Variants in ROR1 observed in about 807,000 individuals in gnomAD.
ROR1 encodes inactive tyrosine-protein kinase transmembrane receptor ROR1.
A neutral mutation model predicts 78.8 loss-of-function variants in ROR1; 19 were observed. That is an observed-to-expected ratio of 0.24 (90% CI 0.17 to 0.35). ROR1 has a LOEUF of 0.35. Among genes scored for constraint, ROR1 ranks in the 10% least tolerant of loss-of-function variants. The pLI is 1.00. For missense variants in ROR1, 917 were observed against 1,177.8 expected (o/e 0.78, Z 3.24); for synonymous variants, 386 against 433.6 (o/e 0.89, Z 1.36).
At chr1:64,118,737 C>T (rs1241321197) in intron 4 of ROR1, among the ~76,000 whole-genome samples, 3 of 151,262 alleles carry the variant, frequency 2.0e-5, no homozygotes, top group African/African-American at 4.9e-5. Context: ...TTTTAGGCCT[C>T]GGTAAATCAG....
rs376578814 is a variant in ROR1, at chr1:64,049,875, G to A, written c.348G>A (p.Leu116=). ...GGTCCACCATCTATGGCTCTCGGCT[G>A]CGGATTAGAAACCTCGACACCACAG... ...SFRSTIYGSR[L]RIRNLDTTDT... is the part of the protein sequence containing the mutation. The change falls in exon 3 of 9, where the codon CTG becomes CTA. Residue 116 remains leucine, a synonymous_variant. Transcript: ENST00000371079. The A allele has an allele frequency of 1.2e-6, 2 of 1,614,094 alleles. No homozygotes were observed. Among genetic ancestry groups the A allele is most frequent in the African/African-American group, 2.7e-5 (2 of 74,940 alleles).
chr1:63,994,492 G>A (rs1035613036), intron 1 of ROR1, among the ~76,000 whole-genome samples: 3 of 152,138 alleles, frequency 2.0e-5, no homozygotes, highest in African/African-American at 7.2e-5. Context: ...AGATTTTTGT[G>A]TCAAACTTTG....
chr1:63,927,557 TAAAA>T (rs11344076), intron 1 of ROR1, among the ~76,000 whole-genome samples: 3 of 145,508 alleles, frequency 2.1e-5, no homozygotes, highest in Non-Finnish European at 3.0e-5. Flanking sequence ...CTCTTTTTCT[TAAAA>T]AAAAAAAAAA....
Position 64,009,344 on chromosome 1 carries a change from C to T in ROR1, c.131C>T (p.Ser44Leu), listed in dbSNP as rs776096406. The change falls in exon 2 of 9, where the codon TCA (serine) becomes TTA (leucine). Residue 44 changes from serine (S) to leucine (L), a missense_variant. Physicochemically the swap from Ser to Leu is moderately radical, Grantham distance 145. Transcript: ENST00000371079. ...GTCAGTGCTGAATTAGTGCCTACCT[C>T]ATCATGGAACATCTCAAGTGAACTC... ...LSVSAELVPT[S>L]SWNISSELNK... 8.1e-6 allele frequency: 13 copies of T among 1,613,786 alleles called. No homozygotes were observed. In the South Asian group the frequency reaches 1.1e-4, roughly 14 times the overall value.
chr1:63,912,948 C>CG (rs1190660679), intron 1 of ROR1, among the ~76,000 whole-genome samples: 1 of 151,910 alleles, frequency 6.6e-6, no homozygotes, highest in Non-Finnish European at 1.5e-5. Flanking sequence ...GCAAACTTGG[C>CG]GGGGGTTGCT....
At chr1:64,015,247 G>A (rs1285365989) in intron 2 of ROR1, among the ~76,000 whole-genome samples, 1 of 152,126 alleles carries the variant, frequency 6.6e-6, no homozygotes, top group East Asian at 1.9e-4. Context: ...GGAATTGTGG[G>A]AGACACAATT....
Position 64,179,058 on chromosome 1 carries a change from A to C in ROR1, c.*203A>C. On this transcript the variant is annotated 3_prime_UTR_variant, in exon 9 of 9. Coordinates refer to ENST00000371079, the MANE Select transcript of ROR1 (RefSeq NM_005012.4). ...AAAAAAAAAAAAAACAAGCAAACAA[A>C]AACATTGTGGGATGTGCACTCCATT... 3.8e-6 allele frequency: 2 copies of C among 526,190 alleles called. No homozygotes were observed. The highest frequency in any genetic ancestry group is 5.1e-4 in the Middle Eastern group (1 of 1,968). 32.6% of individuals were successfully genotyped at this position (526,190 alleles called of 1,614,324 possible).
chr1:63,955,780 C>T (rs1375457095), intron 1 of ROR1, among the ~76,000 whole-genome samples: 1 of 152,126 alleles, frequency 6.6e-6, no homozygotes, highest in Non-Finnish European at 1.5e-5. Flanking sequence ...AGCTTTCCCC[C>T]ACCACCGTAG....
At chr1:63,831,208 G>C (rs1644986242) in intron 1 of ROR1, among the ~76,000 whole-genome samples, 1 of 152,172 alleles carries the variant, frequency 6.6e-6, no homozygotes, top group Non-Finnish European at 1.5e-5. Flanking sequence ...CTGGGATCTA[G>C]AGGCTGGTGG....
At chr1:63,777,215 A>C (rs665772) in intron 1 of ROR1, among the ~76,000 whole-genome samples, 16,625 of 152,124 alleles carry the variant, frequency 0.11, 947 homozygotes, top group African/African-American at 0.13. Context: ...AATCTTATAG[A>C]TTCTGTGGTT....
intron 1 of ROR1, among the ~76,000 whole-genome samples, chr1:63,859,816 C>A: frequency 6.6e-6 from 1 of 152,206 alleles, no homozygotes; most frequent in East Asian, 1.9e-4. Context: ...TGGACTAGCT[C>A]TGAGCTTCAG....
At chr1:64,066,185 A>G (rs938114209) in intron 4 of ROR1, among the ~76,000 whole-genome samples, 5 of 152,198 alleles carry the variant, frequency 3.3e-5, no homozygotes, top group Non-Finnish European at 5.9e-5. Flanking sequence ...ATGTGCTTAC[A>G]TGAAACCCCA....
intron 1 of ROR1, among the ~76,000 whole-genome samples, chr1:63,982,320 C>T (rs568570573): frequency 8.6e-5 from 13 of 151,588 alleles, no homozygotes; most frequent in East Asian, 2.1e-4. Flanking sequence ...TGCAAGCCTG[C>T]GGTGAGGATC....
intron 1 of ROR1, among the ~76,000 whole-genome samples, chr1:63,990,406 G>C (rs1398645897): frequency 6.6e-6 from 1 of 152,168 alleles, no homozygotes; most frequent in Non-Finnish European, 1.5e-5. Context: ...GAAATTATCA[G>C]TTTCTAAATT....
At chr1:63,789,132 T>A in intron 1 of ROR1, 1 of 608,858 alleles carries the variant, frequency 1.6e-6, no homozygotes, top group Non-Finnish European at 3.2e-6. Flanking sequence ...AGCCTGGGAA[T>A]GGACAGTCAT....
At chr1:64,118,367 G>A (rs1194744530) in intron 4 of ROR1, among the ~76,000 whole-genome samples, 1 of 151,858 alleles carries the variant, frequency 6.6e-6, no homozygotes, top group African/African-American at 2.4e-5. Flanking sequence ...TGTGGCTCAC[G>A]CCTGTAATCC....
intron 2 of ROR1, among the ~76,000 whole-genome samples, chr1:64,034,910 C>T (rs748731638): frequency 4.0e-5 from 6 of 149,594 alleles, no homozygotes; most frequent in South Asian, 4.2e-4. Flanking sequence ...TCATTAATCT[C>T]GAGGTAGATA....
intron 1 of ROR1, among the ~76,000 whole-genome samples, chr1:63,842,551 A>G (rs1293404586): frequency 6.6e-6 from 1 of 152,172 alleles, no homozygotes; most frequent in Non-Finnish European, 1.5e-5. Context: ...CTCTCCACAT[A>G]AACATCTTTG....
intron 1 of ROR1, among the ~76,000 whole-genome samples, chr1:63,854,589 G>A (rs940832053): frequency 6.6e-6 from 1 of 152,160 alleles, no homozygotes; most frequent in Non-Finnish European, 1.5e-5. Flanking sequence ...CCATCACAGA[G>A]TATCTAGCAG....
Sources: allele counts gnomAD v4.1 joint callset (sites outside exome capture counted in the v4.1 genomes callset), GRCh38; gene constraint gnomAD v4.1.1; transcripts MANE v1.5; gene names NCBI Gene and HGNC (gene_info 2026-07-23, HGNC 2026-07-21).